Variants in TOX observed in about 807,000 individuals in gnomAD.
The protein encoded by TOX is thymocyte selection associated high mobility group box.
A neutral mutation model predicts 53.7 loss-of-function variants in TOX; 11 were observed. The ratio of observed to expected loss-of-function variants is 0.20; its 90% CI spans 0.13 to 0.34. TOX has a LOEUF of 0.34. TOX is among the 10% of genes least tolerant of loss of function. The pLI is 1.00. For synonymous variants in TOX, 225 were observed against 245.3 expected (o/e 0.92, Z 0.77); for missense variants, 570 against 664.6 (o/e 0.86, Z 1.56).
At chr8:58,996,786 A>C (rs1035852323) in intron 1 of TOX, among the ~76,000 whole-genome samples, 2 of 152,220 alleles carry the variant, frequency 1.3e-5, no homozygotes, top group Non-Finnish European at 2.9e-5. Context: ...CAACAATGCA[A>C]TAGTCACACC....
At chr8:59,054,830 A>G (rs1241218931) in intron 1 of TOX, among the ~76,000 whole-genome samples, 1 of 151,426 alleles carries the variant, frequency 6.6e-6, no homozygotes, top group African/African-American at 2.4e-5. Flanking sequence ...AGAGAGAAAG[A>G]GAAAGGAAGA....
chr8:58,938,580 A>G (rs540027599), intron 3 of TOX, among the ~76,000 whole-genome samples: 1 of 152,316 alleles, frequency 6.6e-6, no homozygotes, highest in Admixed American at 6.5e-5. Context: ...TCAGAAGGAA[A>G]GATTTTATAA....
intron 1 of TOX, among the ~76,000 whole-genome samples, chr8:58,976,008 G>A (rs759969042): frequency 3.3e-5 from 5 of 152,106 alleles, no homozygotes; most frequent in Non-Finnish European, 7.4e-5. Flanking sequence ...GGACACGGAG[G>A]TTGCAGTGAG....
At position 58,910,241 on chromosome 8, in the gene TOX, T is replaced by C. The variant is rs76647333; in HGVS notation, c.411+29061A>G. On this transcript the variant is annotated intron_variant, in intron 3 of 8. Transcript: ENST00000361421. ...GTTTTTCAAGCCTACACAAATATTA[T>C]TGAGATTCATACAATCCAAATAGAT... Among the ~76,000 whole-genome samples, 1,256 of 152,374 alleles carry C rather than the reference T, an allele frequency of 8.2e-3. 24 individuals carry two copies. The highest frequency in any genetic ancestry group is 0.029 in the African/African-American group (1,201 of 41,588).
At chr8:59,005,790 T>C (rs976075685) in intron 1 of TOX, among the ~76,000 whole-genome samples, 1 of 152,232 alleles carries the variant, frequency 6.6e-6, no homozygotes, top group African/African-American at 2.4e-5. Flanking sequence ...TCTACTGCAG[T>C]GAAGCTGAAA....
intron 1 of TOX, among the ~76,000 whole-genome samples, chr8:58,965,120 T>A (rs1419621565): frequency 6.6e-6 from 1 of 152,210 alleles, no homozygotes; most frequent in Non-Finnish European, 1.5e-5. Flanking sequence ...TATCTAAGCA[T>A]ACTAGGGCTT....
intron 3 of TOX, among the ~76,000 whole-genome samples, chr8:58,908,713 G>A (rs2129173631): frequency 6.6e-6 from 1 of 152,214 alleles, no homozygotes; most frequent in South Asian, 2.1e-4. Context: ...TATCACAAGA[G>A]CCAATGTCTA....
chr8:59,060,599 C>T (rs528443584), intron 1 of TOX, among the ~76,000 whole-genome samples: 2 of 152,222 alleles, frequency 1.3e-5, no homozygotes, highest in Non-Finnish European at 2.9e-5. Context: ...TGCACTCCAG[C>T]CTGGGTGACA....
At chr8:59,056,368 G>A (rs1277402683) in intron 1 of TOX, among the ~76,000 whole-genome samples, 7 of 135,366 alleles carry the variant, frequency 5.2e-5, no homozygotes, top group Non-Finnish European at 1.1e-4. Flanking sequence ...GGAGGAAGGG[G>A]TTGCAGTGAG....
chr8:59,052,006 T>A (rs1374754927), intron 1 of TOX, among the ~76,000 whole-genome samples: 1 of 152,208 alleles, frequency 6.6e-6, no homozygotes, highest in Non-Finnish European at 1.5e-5. Flanking sequence ...ATCATATCCC[T>A]GTTAAGAATT....
intron 1 of TOX, among the ~76,000 whole-genome samples, chr8:58,982,911 G>T (rs1458366477): frequency 6.6e-6 from 1 of 152,038 alleles, no homozygotes; most frequent in East Asian, 1.9e-4. Flanking sequence ...AAACCAATGT[G>T]CTCTGCATGC....
chr8:58,879,855 AT>A (rs976584418), intron 3 of TOX, among the ~76,000 whole-genome samples: 2 of 152,174 alleles, frequency 1.3e-5, no homozygotes, highest in African/African-American at 4.8e-5. Flanking sequence ...ATTAAAAAAA[AT>A]ATTTTTTATA....
intron 5 of TOX, among the ~76,000 whole-genome samples, chr8:58,835,484 C>T (rs1198626337): frequency 6.6e-6 from 1 of 151,964 alleles, no homozygotes; most frequent in Non-Finnish European, 1.5e-5. Flanking sequence ...GATGGTTAGA[C>T]AAAATGAATG....
chr8:59,000,664 G>T (rs1161561898), intron 1 of TOX, among the ~76,000 whole-genome samples: 1 of 152,092 alleles, frequency 6.6e-6, no homozygotes, highest in Admixed American at 6.5e-5. Flanking sequence ...CTTGCTCCAG[G>T]TCAGTGCTGC....
At chr8:58,932,734 C>T (rs898193430) in intron 3 of TOX, among the ~76,000 whole-genome samples, 1 of 152,086 alleles carries the variant, frequency 6.6e-6, no homozygotes, top group African/African-American at 2.4e-5. Flanking sequence ...ATCTGAATTC[C>T]TTGATGTGCG....
chr8:58,934,525 AC>A (rs1484944759), intron 3 of TOX, among the ~76,000 whole-genome samples: 3 of 152,200 alleles, frequency 2.0e-5, no homozygotes, highest in Non-Finnish European at 4.4e-5. Flanking sequence ...AAAGTTACTC[AC>A]GGTCACACAG....
In TOX at chr8:58,838,231, G is replaced by A; in HGVS notation, c.774C>T (p.Pro258=). Residue 258 remains proline (P), a synonymous_variant, in exon 5 of 9, where the codon CCC becomes CCT. Transcript: ENST00000361421. The part of the protein sequence containing the change: ...KTPKKKKKKD[P]NEPQKPVSAY... ...CAGACACAGGCTTCTGGGGCTCATT[G>A]GGATCCTTCTTCTTCTTCTTTTTGG... is the stretch of plus-strand genomic sequence containing the variant. 6.2e-7 allele frequency: 1 copy of A among 1,614,162 alleles called. No homozygotes were observed.
At chr8:58,838,699 C>CTTTTTGTTTTTTTTTTTTTTTTTTTT (rs1810590887) in intron 4 of TOX, among the ~76,000 whole-genome samples, 1 of 88,912 alleles carries the variant, frequency 1.1e-5, no homozygotes, top group Non-Finnish European at 2.0e-5. Context: ...TTATCCTTGT[C>CTTTTTGTTTTTTTTTTTTTTTTTTTT]TTTTTTTTTT....
intron 1 of TOX, among the ~76,000 whole-genome samples, chr8:59,071,774 A>G (rs1284787984): frequency 4.6e-5 from 7 of 152,246 alleles, no homozygotes; most frequent in Non-Finnish European, 8.8e-5. Flanking sequence ...ATGGATCTAT[A>G]TCTACTCATC....
Sources: gnomAD v4.1 joint callset for allele counts (sites outside exome capture counted in the v4.1 genomes callset) on GRCh38, gnomAD v4.1.1 for gene constraint, MANE v1.5 for transcripts, NCBI Gene and HGNC (gene_info 2026-07-23, HGNC 2026-07-21) for gene names.